The following ZSCAN4 variants were observed in gnomAD, a reference collection of about 807,000 sequenced individuals.
ZSCAN4 encodes zinc finger and SCAN domain-containing protein 4.
Under a neutral mutation model 18.3 loss-of-function variants are expected in ZSCAN4, and 18 were observed. That is an observed-to-expected ratio of 0.98 (90% CI 0.68 to 1.46). ZSCAN4 has a LOEUF of 1.46. Among genes scored for constraint, ZSCAN4 ranks in the 40% most tolerant of loss-of-function variants. The probability of loss-of-function intolerance (pLI) is 0.00; values close to 1 mark genes in which losing one functional copy is unlikely to be tolerated. For missense variants in ZSCAN4, 498 were observed against 511.4 expected (o/e 0.97, Z 0.25); for synonymous variants, 193 against 180.3 (o/e 1.07, Z -0.57).
chr19:57,678,097 G>A lies in ZSCAN4; in HGVS notation c.562+18G>A. 1 of 1,584,216 alleles carries A rather than the reference G, an allele frequency of 6.3e-7. No individual in the cohort carries two copies. The highest frequency in any genetic ancestry group is 8.6e-7 in the Non-Finnish European group (1 of 1,165,712). Reference sequence around the variant, plus strand: ...AGGACAAGGTAAGTCAGGTGAATCTGCACAACTGAGGAGTGTTCTATGTGG... The same window carrying A: ...AGGACAAGGTAAGTCAGGTGAATCTACACAACTGAGGAGTGTTCTATGTGG... On this transcript the variant is annotated intron_variant, in intron 4 of 4. Coordinates refer to ENST00000318203, the Ensembl canonical transcript of ZSCAN4.
upstream of ZSCAN4, among the ~76,000 whole-genome samples, chr19:57,666,644 G>C (rs1256870773): frequency 1.3e-5 from 2 of 151,854 alleles, no homozygotes; most frequent in Non-Finnish European, 2.9e-5. Context: ...AGCACCTGGG[G>C]AGGCTGAGGT....
chr19:57,661,101 CTCTTT>C, the ZSCAN4 span, among the ~76,000 whole-genome samples: 1 of 152,146 alleles, frequency 6.6e-6, no homozygotes, highest in African/African-American at 2.4e-5. Context: ...AGTTATTCTC[CTCTTT>C]TGATTCATTG....
rs147016437 is a variant in ZSCAN4 at position 57,671,939 on chromosome 19, G to A, written c.-106+1372G>A. Among the ~76,000 whole-genome samples, 35 of 152,224 alleles carry A rather than the reference G, an allele frequency of 2.3e-4. No individual in the cohort carries two copies. The East Asian group carries it at 5.4e-3, about 23-fold the overall frequency. On this transcript the variant is annotated intron_variant, in intron 2 of 4. Transcript: ENST00000318203. ...ACTCCTACCATTTTCTGATTTTATG[G>A]CATGAAATTTGCTTTTTTCAAAATT... is the stretch of plus-strand genomic sequence containing the variant.
At chr19:57,664,651 T>G (rs1983810001), upstream of ZSCAN4, 1 of 207,306 alleles carries the variant, frequency 4.8e-6, no homozygotes, top group Non-Finnish European at 1.0e-5. Flanking sequence ...GCATGCCGTC[T>G]CCTGCGGAGA....
chr19:57,655,715 C>T, the ZSCAN4 span, among the ~76,000 whole-genome samples: 1 of 152,082 alleles, frequency 6.6e-6, no homozygotes, highest in Non-Finnish European at 1.5e-5. Flanking sequence ...AAGTTCTCAA[C>T]CCAGCCACCC....
the ZSCAN4 span, among the ~76,000 whole-genome samples, chr19:57,658,342 G>A: frequency 6.6e-6 from 1 of 152,178 alleles, no homozygotes; most frequent in East Asian, 1.9e-4. Flanking sequence ...GGGGCGGACT[G>A]CAAAGGGCAG....
At chr19:57,676,456 T>A in exon 3 of ZSCAN4, 3 of 1,614,142 alleles carry the variant, frequency 1.9e-6, no homozygotes, top group Non-Finnish European at 1.7e-6. Context: ...AAAGCCAGTG[T>A]GAAAGAGAAA....
intron 2 of ZSCAN4, among the ~76,000 whole-genome samples, chr19:57,674,210 C>A (rs968625737): frequency 6.6e-6 from 1 of 152,110 alleles, no homozygotes; most frequent in Non-Finnish European, 1.5e-5. Flanking sequence ...AGTACATGTG[C>A]ATGTTTGTTA....
At chr19:57,669,058 C>CTTTT (rs111969859) in exon 1 of ZSCAN4, 4 of 68,588 alleles carry the variant, frequency 5.8e-5, no homozygotes, top group Admixed American at 1.3e-4. Flanking sequence ...TTATATTTTC[C>CTTTT]TTTTTTTTTT....
intron 2 of ZSCAN4, among the ~76,000 whole-genome samples, chr19:57,673,749 GATT>G (rs201203110): frequency 3.0e-4 from 46 of 151,476 alleles, no homozygotes; most frequent in South Asian, 6.3e-4. Flanking sequence ...TGATGATGAT[GATT>G]ATTATTATTA....
At chr19:57,667,138 A>C (rs1983876963), upstream of ZSCAN4, among the ~76,000 whole-genome samples, 1 of 152,144 alleles carries the variant, frequency 6.6e-6, no homozygotes, top group Admixed American at 6.5e-5. Context: ...TAATATCCTT[A>C]TTTGATTAAA....
intron 3 of ZSCAN4, among the ~76,000 whole-genome samples, chr19:57,677,580 A>C (rs76074398): frequency 6.6e-6 from 1 of 152,172 alleles, no homozygotes; most frequent in African/African-American, 2.4e-5. Flanking sequence ...TCAATAATAT[A>C]TATTAAATGG....
At chr19:57,668,587 C>T (rs541268886), upstream of ZSCAN4, among the ~76,000 whole-genome samples, 12 of 152,184 alleles carry the variant, frequency 7.9e-5, no homozygotes, top group African/African-American at 2.6e-4. Context: ...CCCACCCCTT[C>T]GATACGTTCT....
the ZSCAN4 span, among the ~76,000 whole-genome samples, chr19:57,663,015 C>T: frequency 6.6e-6 from 1 of 151,478 alleles, no homozygotes; most frequent in Non-Finnish European, 1.5e-5. Flanking sequence ...CTTTTCTGCC[C>T]CTCACCCCCC....
chr19:57,667,873 ATTGTTTTTTTT>A (rs1235210383), upstream of ZSCAN4, among the ~76,000 whole-genome samples: 676 of 150,598 alleles, frequency 4.5e-3, 4 homozygotes, highest in African/African-American at 0.016. Context: ...TACATTTTTC[ATTGTTTTTTTT>A]TTGTTTGTTT....
At position 57,678,297 on chromosome 19, in the gene ZSCAN4, G is replaced by A. The variant is rs1238878097; in HGVS notation, c.694G>A (p.Glu232Lys). The change falls in exon 5 of 5, where the codon GAG becomes AAG. Residue 232 changes from glutamate to lysine, a missense_variant. Physicochemically the swap from Glu to Lys is moderately conservative, Grantham distance 56. Transcript: ENST00000318203. ...GGAAGAGAACGGTCCTAGGCCTGAA[G>A]AGGGAGGTGTTTCTTCTGACAACCC... 6.2e-7 allele frequency: 1 copy of A among 1,614,074 alleles called. No homozygotes were observed. The highest frequency in any genetic ancestry group is 1.7e-5 in the Admixed American group (1 of 60,008).
chr19:57,652,240 C>T, the ZSCAN4 span, among the ~76,000 whole-genome samples: 1 of 152,182 alleles, frequency 6.6e-6, no homozygotes, highest in East Asian at 1.9e-4. Flanking sequence ...AAACCAAATG[C>T]CTTATTTTCC....
intron 2 of ZSCAN4, 55 bp downstream of exon 2, chr19:57,670,622 G>C (rs1456247789): frequency 6.6e-6 from 1 of 152,118 alleles, no homozygotes; most frequent in Non-Finnish European, 1.5e-5. Context: ...TATACATTTT[G>C]TGTCTTTGAG....
intron 2 of ZSCAN4, among the ~76,000 whole-genome samples, chr19:57,671,239 C>T (rs537302125): frequency 5.3e-5 from 8 of 152,138 alleles, no homozygotes; most frequent in African/African-American, 1.7e-4. Context: ...AGGATACAGA[C>T]CCAGACCTGA....
Sources: allele counts gnomAD v4.1 joint callset (sites outside exome capture counted in the v4.1 genomes callset), GRCh38; gene constraint gnomAD v4.1.1; transcripts MANE v1.5; gene names NCBI Gene and HGNC (gene_info 2026-07-23, HGNC 2026-07-21).